The following C18orf54 variants were observed in gnomAD, a reference collection of about 807,000 sequenced individuals.
C18orf54 encodes lung adenoma susceptibility protein 2.
In C18orf54, 49 loss-of-function variants were observed where a neutral mutation model predicts 49.3. The ratio of observed to expected loss-of-function variants is 0.99; its 90% CI spans 0.79 to 1.26. The LOEUF (loss-of-function observed/expected upper bound fraction) is 1.26, where lower values mean the gene tolerates loss of function less well. C18orf54 is among the 50% of genes most tolerant of loss of function. The pLI, the probability that C18orf54 is intolerant of heterozygous loss-of-function variation, is 0.00. For synonymous variants in C18orf54, 211 were observed against 216.6 expected (o/e 0.97, Z 0.23); for missense variants, 687 against 620.6 (o/e 1.11, Z -1.14).
intron 6 of C18orf54, among the ~76,000 whole-genome samples, chr18:54,371,540 A>G (rs1413176129): frequency 6.6e-6 from 1 of 152,174 alleles, no homozygotes; most frequent in South Asian, 2.1e-4. Flanking sequence ...CAGTAATTCT[A>G]TGTTTAATTT....
At chr18:54,376,223 A>C (rs949720040) in intron 8 of C18orf54, among the ~76,000 whole-genome samples, 4 of 152,242 alleles carry the variant, frequency 2.6e-5, no homozygotes, top group Admixed American at 2.0e-4. Context: ...TTCATTAGCC[A>C]TAGGGAACTG....
intron 8 of C18orf54, among the ~76,000 whole-genome samples, chr18:54,376,914 C>T (rs2144757025): frequency 6.6e-6 from 1 of 152,214 alleles, no homozygotes; most frequent in Non-Finnish European, 1.5e-5. Flanking sequence ...TATTGAACAA[C>T]TACTGTGTGT....
At chr18:54,363,327 C>CT (rs1168332202) in intron 5 of C18orf54, among the ~76,000 whole-genome samples, 13 of 151,304 alleles carry the variant, frequency 8.6e-5, no homozygotes, top group African/African-American at 2.4e-4. Context: ...CTTTTCTTTT[C>CT]TTTTTTTTGA....
Position 54,378,155 on chromosome 18 carries a change from T to G in C18orf54, c.1530-19T>G. ...TCTTAATAACTGGTTTATAATGTGT[T>G]TTATACTTTTTAATGAAGGGCTTTG... On this transcript the variant is annotated intron_variant, in intron 8 of 8. Transcript: ENST00000620105. 6.2e-7 allele frequency: 1 copy of G among 1,606,342 alleles called. No individual in the cohort carries two copies. Among genetic ancestry groups the G allele is most frequent in the East Asian group, 2.2e-5 (1 of 44,736 alleles).
chr18:54,363,129 G>C (rs559270351), intron 5 of C18orf54, among the ~76,000 whole-genome samples: 1 of 152,072 alleles, frequency 6.6e-6, no homozygotes, highest in Admixed American at 6.5e-5. Flanking sequence ...TATAACATCT[G>C]TCTTTGTTAC....
intron 2 of C18orf54, 147 bp from the exon 3 acceptor site, chr18:54,360,380 A>G: frequency 1.8e-6 from 1 of 546,624 alleles, no homozygotes; most frequent in South Asian, 3.4e-5. Context: ...ATATAACAAA[A>G]ATCTACAATT....
intron 4 of C18orf54, 38 bp downstream of exon 4, chr18:54,362,469 CT>C: frequency 5.6e-6 from 8 of 1,421,546 alleles, no homozygotes; most frequent in South Asian, 3.1e-5. Flanking sequence ...ATTTATTTTT[CT>C]TTTTTTTAAA....
chr18:54,361,150 GA>G (rs1222463151), intron 3 of C18orf54, among the ~76,000 whole-genome samples: 1 of 152,192 alleles, frequency 6.6e-6, no homozygotes, highest in African/African-American at 2.4e-5. Context: ...CCCTAGAATA[GA>G]AAAAGTTTGT....
In C18orf54 at chr18:54,381,456, A is replaced by G. The variant is rs1386813714; in HGVS notation, c.*3210A>G. ...TTAACATCTACTGTCTTAGTCTTTTACACAGAAGCCAGAGTGACTGGTCTT... is the reference window on the plus strand; with the variant it reads ...TTAACATCTACTGTCTTAGTCTTTTGCACAGAAGCCAGAGTGACTGGTCTT... On this transcript the variant is annotated 3_prime_UTR_variant, in exon 9 of 9. Coordinates refer to ENST00000620105, the MANE Select transcript of C18orf54 (RefSeq NM_001288980.2). 6.6e-6 allele frequency: 1 copy of G among 152,188 alleles called. No individual in the cohort carries two copies. Among genetic ancestry groups the G allele is most frequent in the African/African-American group, 2.4e-5 (1 of 41,442 alleles). The allele number at this position is 152,188 out of a possible 1,614,324, so 9.4% of individuals were successfully genotyped here.
intron 5 of C18orf54, 24 bp downstream of exon 5, chr18:54,362,945 CTG>C (rs747542067): frequency 1.3e-6 from 2 of 1,572,156 alleles, no homozygotes; most frequent in East Asian, 2.3e-5. Flanking sequence ...AATGGAAAAA[CTG>C]TTTAGTTTTC....
At position 54,358,242 on chromosome 18, in the gene C18orf54, C is replaced by A. The variant is rs2089186380; in HGVS notation, c.-144+167C>A. Among the ~76,000 whole-genome samples the A allele has an allele frequency of 2.0e-5, 3 of 151,620 alleles. No homozygotes were observed. The South Asian group carries it at 6.3e-4, about 32-fold the overall frequency. On this transcript the variant is annotated intron_variant, in intron 1 of 8. Transcript: ENST00000620105. Reference sequence around the variant, plus strand: ...GGAGGAGACGTCTCCTGAGGGAGGGCGCTTGTGGAGTCTCTGTGGAAGGAA... The same window carrying A: ...GGAGGAGACGTCTCCTGAGGGAGGGAGCTTGTGGAGTCTCTGTGGAAGGAA...
rs2089672991 is a variant in C18orf54, at chr18:54,381,551, T to C, written c.*3305T>C. 6.6e-6 allele frequency: 1 copy of C among 152,234 alleles called. No individual in the cohort carries two copies. The highest frequency in any genetic ancestry group is 2.1e-4 in the South Asian group (1 of 4,834). 9.4% of individuals were successfully genotyped at this position (152,234 alleles called of 1,614,324 possible). On this transcript the variant is annotated 3_prime_UTR_variant, in exon 9 of 9. Transcript: ENST00000620105. ...TTTCAGCAAATTTGCTTTAGTTAAATTGCTTTACTCAGATTCCCCCAAACT... is the reference window on the plus strand; with the variant it reads ...TTTCAGCAAATTTGCTTTAGTTAAACTGCTTTACTCAGATTCCCCCAAACT...
chr18:54,367,477 AG>A (rs1178853042), intron 6 of C18orf54, among the ~76,000 whole-genome samples: 23 of 152,204 alleles, frequency 1.5e-4, no homozygotes, highest in African/African-American at 4.3e-4. Context: ...TCATTTCTGA[AG>A]GAAAGCTTTG....
chr18:54,362,546 C>T, intron 4 of C18orf54, 115 bp downstream of exon 4: 1 of 975,206 alleles, frequency 1.0e-6, no homozygotes, highest in South Asian at 1.9e-5. Flanking sequence ...TCATGTAATA[C>T]ATCTTTTTGG....
intron 2 of C18orf54, among the ~76,000 whole-genome samples, chr18:54,359,906 C>T: frequency 6.6e-6 from 1 of 151,938 alleles, no homozygotes; most frequent in East Asian, 1.9e-4. Context: ...GAGGGTGGTA[C>T]CAAAAACGAA....
At chr18:54,359,113 G>A (rs79813077) in intron 2 of C18orf54, among the ~76,000 whole-genome samples, 1 of 152,274 alleles carries the variant, frequency 6.6e-6, no homozygotes, top group Non-Finnish European at 1.5e-5. Context: ...CTTTTTGTCT[G>A]TCCTGTGAGT....
At chr18:54,369,493 A>G (rs1231515991) in intron 6 of C18orf54, among the ~76,000 whole-genome samples, 4 of 118,438 alleles carry the variant, frequency 3.4e-5, no homozygotes, top group East Asian at 2.5e-4. Context: ...TTTTTTGGAG[A>G]CAGTCTTACT....
rs2089650429 is a variant in C18orf54, at chr18:54,380,557, T to C, written c.*2311T>C. ...CTATCAAGAACTCTACTTTCAGTTGTTTCTCAGACAGTTAATTTCAGCTTC... is the reference window on the plus strand; with the variant it reads ...CTATCAAGAACTCTACTTTCAGTTGCTTCTCAGACAGTTAATTTCAGCTTC... On this transcript the variant is annotated 3_prime_UTR_variant, in exon 9 of 9. Coordinates refer to ENST00000620105, the MANE Select transcript of C18orf54 (RefSeq NM_001288980.2). 1 of 152,096 alleles carries C rather than the reference T, an allele frequency of 6.6e-6. No individual in the cohort carries two copies. Among genetic ancestry groups the C allele is most frequent in the African/African-American group, 2.4e-5 (1 of 41,454 alleles). 9.4% of individuals were successfully genotyped at this position (152,096 alleles called of 1,614,324 possible).
At position 54,372,479 on chromosome 18, in the gene C18orf54, C is replaced by G. The variant is rs987507471; in HGVS notation, c.1340C>G (p.Ser447Cys). The G allele has an allele frequency of 1.9e-6, 3 of 1,608,856 alleles. No homozygotes were observed. Among genetic ancestry groups the G allele is most frequent in the Non-Finnish European group, 2.5e-6 (3 of 1,177,138 alleles). ...TTTTAACCTTAGAGCTGTACTCTCT[C>G]TGGAGGCAAACATCATGGTCCTGTT... The part of the protein sequence containing the change: ...LNNDNQSCTL[S>C]GGKHHGPVEA... Residue 447 changes from serine (S) to cysteine (C), a missense_variant, in exon 7 of 9, where the codon TCT becomes TGT. By Grantham distance (112) the Ser-to-Cys change is moderately radical (BLOSUM62 -1). Transcript: ENST00000620105.
Sources: gnomAD v4.1 joint callset for allele counts (sites outside exome capture counted in the v4.1 genomes callset) on GRCh38, gnomAD v4.1.1 for gene constraint, MANE v1.5 for transcripts, NCBI Gene and HGNC (gene_info 2026-07-23, HGNC 2026-07-21) for gene names.